Variants in LRRC4C observed in about 807,000 individuals in gnomAD.
The protein encoded by LRRC4C is leucine-rich repeat-containing protein 4C.
A neutral mutation model predicts 33.6 loss-of-function variants in LRRC4C; 5 were observed. The ratio of observed to expected loss-of-function variants is 0.15; its 90% confidence interval spans 0.08 to 0.31. The LOEUF (loss-of-function observed/expected upper bound fraction) is 0.31. Ranked by LOEUF, LRRC4C falls within the 10% of genes least tolerant of loss-of-function variation. LRRC4C has a pLI of 1.00. For synonymous variants in LRRC4C, 329 were observed against 302.0 expected (o/e 1.09, Z -0.93); for missense variants, 560 against 796.7 (o/e 0.70, Z 3.58).
chr11:40,382,356 A>T (rs1948915624), intron 3 of LRRC4C, among the ~76,000 whole-genome samples: 1 of 151,114 alleles, frequency 6.6e-6, no homozygotes, highest in African/African-American at 2.4e-5. Flanking sequence ...TCCTTTTTTT[A>T]AAAAAGTCAC....
intron 2 of LRRC4C, among the ~76,000 whole-genome samples, chr11:40,852,513 G>A: frequency 6.6e-6 from 1 of 152,074 alleles, no homozygotes; most frequent in South Asian, 2.1e-4. Context: ...AAAGAGAATT[G>A]CAGAAGATTT....
chr11:40,464,641 A>C, intron 3 of LRRC4C, among the ~76,000 whole-genome samples: 1 of 152,046 alleles, frequency 6.6e-6, no homozygotes, highest in East Asian at 1.9e-4. Flanking sequence ...CAGGATACAA[A>C]ATTAACATAC....
chr11:40,839,530 G>A (rs745841152), intron 2 of LRRC4C, among the ~76,000 whole-genome samples: 3 of 152,156 alleles, frequency 2.0e-5, no homozygotes, highest in Non-Finnish European at 4.4e-5. Context: ...ACAGGCGTGA[G>A]CCACCGCGCC....
chr11:40,519,025 G>A (rs776985334), intron 3 of LRRC4C, among the ~76,000 whole-genome samples: 1 of 152,112 alleles, frequency 6.6e-6, no homozygotes, highest in African/African-American at 2.4e-5. Flanking sequence ...TCACTCATAA[G>A]TGGGAGTTGA....
At chr11:41,231,658 T>C (rs1177452476) in intron 1 of LRRC4C, among the ~76,000 whole-genome samples, 3 of 151,306 alleles carry the variant, frequency 2.0e-5, no homozygotes, top group Non-Finnish European at 4.4e-5. Flanking sequence ...GAGATATACC[T>C]AATGTAAATG....
chr11:40,365,834 A>G (rs1189976701), intron 3 of LRRC4C, among the ~76,000 whole-genome samples: 1 of 151,968 alleles, frequency 6.6e-6, no homozygotes, highest in African/African-American at 2.4e-5. Context: ...ACCTATCTCC[A>G]TTTTACTTAT....
intron 2 of LRRC4C, among the ~76,000 whole-genome samples, chr11:40,908,021 G>C (rs935679641): frequency 2.0e-5 from 3 of 152,046 alleles, no homozygotes; most frequent in Non-Finnish European, 4.4e-5. Flanking sequence ...TACTTAATCA[G>C]ACACACAACT....
intron 2 of LRRC4C, among the ~76,000 whole-genome samples, chr11:40,867,053 C>T (rs1357807257): frequency 6.6e-6 from 1 of 152,140 alleles, no homozygotes; most frequent in Non-Finnish European, 1.5e-5. Context: ...TAAGATTCTT[C>T]TGCTATATGA....
chr11:40,238,973 A>T (rs1452472), intron 5 of LRRC4C, among the ~76,000 whole-genome samples: 113,060 of 152,146 alleles, frequency 0.74, 46,064 homozygotes, highest in East Asian at 0.95. Context: ...GACCTAGGGT[A>T]TAAGCTGAAT....
At chr11:40,654,853 T>C (rs1272998900) in intron 2 of LRRC4C, among the ~76,000 whole-genome samples, 1 of 152,196 alleles carries the variant, frequency 6.6e-6, no homozygotes, top group Non-Finnish European at 1.5e-5. Context: ...CAGGTGGAGA[T>C]AATTGAATCA....
intron 2 of LRRC4C, among the ~76,000 whole-genome samples, chr11:40,706,581 G>T (rs562641615): frequency 6.6e-6 from 1 of 152,016 alleles, no homozygotes; most frequent in Non-Finnish European, 1.5e-5. Context: ...CTCTGTTTTC[G>T]TACCAGTACC....
intron 5 of LRRC4C, among the ~76,000 whole-genome samples, chr11:40,214,849 C>G (rs995704232): frequency 1.3e-5 from 2 of 152,078 alleles, no homozygotes; most frequent in African/African-American, 2.4e-5. Flanking sequence ...TTTTTTTCCC[C>G]GCTAAGCCAT....
chr11:41,033,861 T>C (rs1381582), intron 1 of LRRC4C, among the ~76,000 whole-genome samples: 78,894 of 151,872 alleles, frequency 0.52, 21,228 homozygotes, highest in East Asian at 0.65. Context: ...CAATTTAGAG[T>C]TGGGCATAAT....
intron 3 of LRRC4C, among the ~76,000 whole-genome samples, chr11:40,367,790 A>T (rs967945553): frequency 1.3e-5 from 2 of 152,036 alleles, no homozygotes; most frequent in African/African-American, 4.8e-5. Context: ...CCTTTTCTCC[A>T]CAGCAGTTAT....
chr11:40,141,828 T>C (rs1208353575), intron 5 of LRRC4C, among the ~76,000 whole-genome samples: 1 of 152,194 alleles, frequency 6.6e-6, no homozygotes, highest in Non-Finnish European at 1.5e-5. Flanking sequence ...TTTTACTGTA[T>C]TAGATGATTT....
chr11:41,343,142 C>T (rs1951693443), intron 1 of LRRC4C, among the ~76,000 whole-genome samples: 1 of 152,184 alleles, frequency 6.6e-6, no homozygotes. Context: ...CTGTATAAAA[C>T]CTTTTTCTAA....
chr11:41,053,632 A>G (rs1858416150), intron 1 of LRRC4C, among the ~76,000 whole-genome samples: 1 of 152,206 alleles, frequency 6.6e-6, no homozygotes, highest in African/African-American at 2.4e-5. Flanking sequence ...TAATTCATAT[A>G]AATAGAAATT....
At chr11:41,000,223 T>C (rs113376571) in intron 1 of LRRC4C, among the ~76,000 whole-genome samples, 28 of 152,294 alleles carry the variant, frequency 1.8e-4, no homozygotes, top group African/African-American at 5.8e-4. Flanking sequence ...GTTCCAGGAA[T>C]ATATTTTGAA....
At chr11:40,430,219 G>C (rs981442575) in intron 3 of LRRC4C, among the ~76,000 whole-genome samples, 1 of 145,538 alleles carries the variant, frequency 6.9e-6, no homozygotes, top group African/African-American at 2.5e-5. Flanking sequence ...GTGCAGTAGG[G>C]GGGCACTGAT....
Sources: gnomAD v4.1 joint callset for allele counts (sites outside exome capture counted in the v4.1 genomes callset) on GRCh38, gnomAD v4.1.1 for gene constraint, MANE v1.5 for transcripts, NCBI Gene and HGNC (gene_info 2026-07-23, HGNC 2026-07-21) for gene names.